Variants in CPHXL observed in about 807,000 individuals in gnomAD.
CPHXL encodes cytoplasmic polyadenylated homeobox like.
At chr16:75,716,594 G>A (rs192377438) in intron 2 of CPHXL, among the ~76,000 whole-genome samples, 13 of 152,278 alleles carry the variant, frequency 8.5e-5, no homozygotes, top group African/African-American at 2.6e-4. Context: ...ACTTCCACAC[G>A]TTCAAGTATC....
intron 2 of CPHXL, among the ~76,000 whole-genome samples, chr16:75,715,918 G>A (rs1325177729): frequency 2.0e-5 from 3 of 151,880 alleles, no homozygotes; most frequent in Admixed American, 2.0e-4. Context: ...GGCTGGTCTC[G>A]AACTCCTGAC....
At chr16:75,722,029 A>G (rs1476183114) in intron 1 of CPHXL, among the ~76,000 whole-genome samples, 1 of 152,268 alleles carries the variant, frequency 6.6e-6, no homozygotes, top group East Asian at 1.9e-4. Flanking sequence ...AAATGAAGGC[A>G]GAAACAAAGA....
chr16:75,724,924 A>G (rs188759968), intron 1 of CPHXL, among the ~76,000 whole-genome samples: 10 of 152,342 alleles, frequency 6.6e-5, no homozygotes, highest in African/African-American at 1.9e-4. Flanking sequence ...GCACATATAT[A>G]CCACAGAATA....
At chr16:75,717,954 G>A (rs1202103835) in intron 2 of CPHXL, among the ~76,000 whole-genome samples, 2 of 152,154 alleles carry the variant, frequency 1.3e-5, no homozygotes, top group Non-Finnish European at 2.9e-5. Flanking sequence ...TGGATGTGGT[G>A]ACTCACGCTT....
Position 75,714,195 on chromosome 16 carries a change from C to A in CPHXL, c.*29G>T. On this transcript the variant is annotated 3_prime_UTR_variant, in exon 3 of 3. Coordinates refer to ENST00000640559, the MANE Select transcript of CPHXL (RefSeq NM_001355613.1). ...TTTGCAGAGTTGCATCCTTGGTTCC[C>A]TGCTGCAGACCCTTGTCCACTCTTC... 2.5e-6 allele frequency: 1 copy of A among 398,752 alleles called. No individual in the cohort carries two copies. The highest frequency in any genetic ancestry group is 4.4e-6 in the Non-Finnish European group (1 of 226,216). 24.7% of individuals were successfully genotyped at this position (398,752 alleles called of 1,614,324 possible). A position where few individuals can be genotyped will look rare whatever the true frequency, so the allele number is the denominator to read the frequency against.
chr16:75,723,636 T>G (rs1013202086), intron 1 of CPHXL, among the ~76,000 whole-genome samples: 1 of 152,210 alleles, frequency 6.6e-6, no homozygotes, highest in Admixed American at 6.5e-5. Flanking sequence ...TCCATGCTCA[T>G]GGGTAGGAAG....
intron 2 of CPHXL, among the ~76,000 whole-genome samples, chr16:75,718,031 T>C (rs1414379112): frequency 6.7e-6 from 1 of 148,730 alleles, no homozygotes; most frequent in Non-Finnish European, 1.5e-5. Context: ...AAGACCAGCC[T>C]GGGCAACATG....
intron 2 of CPHXL, 33 bp downstream of exon 2, chr16:75,718,232 C>G (rs934304868): frequency 3.0e-5 from 12 of 397,188 alleles, no homozygotes; most frequent in Non-Finnish European, 3.5e-5. Flanking sequence ...AAAAAAAAAT[C>G]TAGGAAATAT....
intron 1 of CPHXL, among the ~76,000 whole-genome samples, chr16:75,721,697 G>C (rs1959479463): frequency 6.6e-6 from 1 of 152,138 alleles, no homozygotes; most frequent in Non-Finnish European, 1.5e-5. Flanking sequence ...AGATCAATGA[G>C]ACAGAAAGTT....
chr16:75,725,521 C>T (rs1232679869), intron 1 of CPHXL, among the ~76,000 whole-genome samples: 1 of 151,066 alleles, frequency 6.6e-6, no homozygotes, highest in Non-Finnish European at 1.5e-5. Context: ...GGCACCATCT[C>T]GGCTCACTGC....
intron 1 of CPHXL, among the ~76,000 whole-genome samples, chr16:75,720,311 AAGG>A (rs1258016802): frequency 1.3e-5 from 2 of 152,200 alleles, no homozygotes; most frequent in Non-Finnish European, 2.9e-5. Flanking sequence ...CTCCGAGCTA[AAGG>A]AGGAAGTTTG....
chr16:75,726,371 A>C, intron 1 of CPHXL, 47 bp downstream of exon 1: 1 of 398,570 alleles, frequency 2.5e-6, no homozygotes, highest in Admixed American at 4.4e-5. Flanking sequence ...TATTGAGAAA[A>C]AGCAAGGGAA....
intron 1 of CPHXL, among the ~76,000 whole-genome samples, chr16:75,724,894 G>C (rs1365310635): frequency 1.3e-5 from 2 of 152,178 alleles, no homozygotes; most frequent in African/African-American, 2.4e-5. Flanking sequence ...AACAATGATA[G>C]ACTGGATTAA....
At chr16:75,724,853 T>C (rs967056895) in intron 1 of CPHXL, among the ~76,000 whole-genome samples, 10 of 152,252 alleles carry the variant, frequency 6.6e-5, no homozygotes, top group Non-Finnish European at 1.3e-4. Context: ...CTATTCACAA[T>C]AGCAAAGACT....
At chr16:75,725,040 C>T (rs1352742835) in intron 1 of CPHXL, among the ~76,000 whole-genome samples, 1 of 151,938 alleles carries the variant, frequency 6.6e-6, no homozygotes, top group African/African-American at 2.4e-5. Context: ...AAACCAAACA[C>T]CGCTTGTTCT....
In CPHXL at chr16:75,726,192, C is replaced by T. The variant is rs573349539; in HGVS notation, c.25+226G>A. On this transcript the variant is annotated intron_variant, in intron 1 of 2. Coordinates refer to ENST00000640559, the MANE Select transcript of CPHXL (RefSeq NM_001355613.1). ...TTCTTTTCTCCACTTAAAGTGTTGA[C>T]TTTAGGTAGATGATCCTTGTATGGG... Among the ~76,000 whole-genome samples the T allele has an allele frequency of 5.9e-5, 9 of 152,232 alleles. No individual in the cohort carries two copies. In the South Asian group the frequency reaches 1.2e-3, roughly 21 times the overall value.
intron 1 of CPHXL, 50 bp downstream of exon 1, chr16:75,726,368 A>G (rs1193655041): frequency 5.0e-6 from 2 of 398,484 alleles, no homozygotes; most frequent in African/African-American, 4.1e-5. Context: ...CACTATTGAG[A>G]AAAAGCAAGG....
chr16:75,714,547 A>C lies in CPHXL; in HGVS notation c.895T>G (p.Cys299Gly). 1 of 398,662 alleles carries C rather than the reference A, an allele frequency of 2.5e-6. No homozygotes were observed. The highest frequency in any genetic ancestry group is 4.4e-6 in the Non-Finnish European group (1 of 226,084). The allele number at this position is 398,662 out of a possible 1,614,324, so 24.7% of individuals were successfully genotyped here. The part of the protein sequence containing the change: ...VKKDHCLCSF[C>G]LSLLGQQQQN... ...TGCTGTTGTCCCAGCAGTGAGAGACAGAATGAGCAAAGACAATGGTCTTTC... is the reference window on the plus strand; with the variant it reads ...TGCTGTTGTCCCAGCAGTGAGAGACCGAATGAGCAAAGACAATGGTCTTTC... The change falls in exon 3 of 3, where the codon TGT becomes GGT. Residue 299 changes from cysteine to glycine, a missense_variant. Physicochemically the swap from Cys to Gly is radical, Grantham distance 159. Transcript: ENST00000640559.
At position 75,714,952 on chromosome 16, in the gene CPHXL, T is replaced by A; in HGVS notation, c.490A>T (p.Thr164Ser). ...YNCFSLENQE[T>S]PSQQVGPQCS... ...TGGGGGCCCACCTGTTGACTGGGAG[T>A]CTCTTGGTTCTCCAAAGAGAAACAA... The change falls in exon 3 of 3, where the codon ACT becomes TCT. Residue 164 changes from threonine to serine, a missense_variant. Physicochemically the swap from Thr to Ser is moderately conservative, Grantham distance 58. Transcript: ENST00000640559. 1 of 398,578 alleles carries A rather than the reference T, an allele frequency of 2.5e-6. No homozygotes were observed. The highest frequency in any genetic ancestry group is 4.4e-6 in the Non-Finnish European group (1 of 226,056). The allele number at this position is 398,578 out of a possible 1,614,324, so 24.7% of individuals were successfully genotyped here.
Sources: gnomAD v4.1 joint callset for allele counts (sites outside exome capture counted in the v4.1 genomes callset) on GRCh38, gnomAD v4.1.1 for gene constraint, MANE v1.5 for transcripts, NCBI Gene and HGNC (gene_info 2026-07-23, HGNC 2026-07-21) for gene names.